Variants in UTRN observed in about 807,000 individuals in gnomAD.
UTRN encodes utrophin, also known as dystrophin-related protein 1.
Under a neutral mutation model 463.9 loss-of-function variants are expected in UTRN, and 283 were observed. That is an observed-to-expected ratio of 0.61 (90% CI 0.55 to 0.67). The LOEUF (loss-of-function observed/expected upper bound fraction) is 0.67, where lower values mean the gene tolerates loss of function less well. UTRN is among the 30% of genes least tolerant of loss of function. The pLI, the probability that UTRN is intolerant of heterozygous loss-of-function variation, is 0.00. For missense variants in UTRN, 3,922 were observed against 4,084.3 expected (o/e 0.96, Z 1.08); for synonymous variants, 1,442 against 1,431.5 (o/e 1.01, Z -0.17).
rs576105741 is a variant in UTRN, at chr6:144,380,304, T to C, written c.80-22819T>C. On this transcript the variant is annotated intron_variant, in intron 2 of 74. Coordinates refer to ENST00000367545, the MANE Select transcript of UTRN (RefSeq NM_007124.3). Reference sequence around the variant, plus strand: ...TATTTTAAATAAATATAAAATACTATGTAAGGAAGAAGCAGACAAAAATGT... The same window carrying C: ...TATTTTAAATAAATATAAAATACTACGTAAGGAAGAAGCAGACAAAAATGT... Among the ~76,000 whole-genome samples the C allele has an allele frequency of 2.8e-3, 434 of 152,314 alleles. 3 individuals are homozygous for C. Among genetic ancestry groups the C allele is most frequent in the African/African-American group, 9.9e-3 (413 of 41,578 alleles).
intron 51 of UTRN, among the ~76,000 whole-genome samples, chr6:144,669,978 T>C (rs541750613): frequency 5.0e-4 from 76 of 152,138 alleles, no homozygotes; most frequent in African/African-American, 1.8e-3. Flanking sequence ...TGTGTGTGTG[T>C]GTGTGTGTGT....
intron 53 of UTRN, among the ~76,000 whole-genome samples, chr6:144,713,924 A>G (rs1396104710): frequency 6.6e-6 from 1 of 151,480 alleles, no homozygotes; most frequent in Non-Finnish European, 1.5e-5. Context: ...CTGTCTCAAA[A>G]AAAAAAAAAA....
rs904501971 is a variant in UTRN, at chr6:144,851,040, G to T, written c.*43G>T. On this transcript the variant is annotated 3_prime_UTR_variant, in exon 75 of 75. Transcript: ENST00000367545. ...CCAATGTTTCCTGACGTACAGTGTT[G>T]CCCTTTTCAGCAAATGCCAATTCCA... is the stretch of plus-strand genomic sequence containing the variant. The T allele has an allele frequency of 1.2e-6, 2 of 1,613,228 alleles. No individual in the cohort carries two copies. Among genetic ancestry groups the T allele is most frequent in the African/African-American group, 2.7e-5 (2 of 74,974 alleles).
At chr6:144,671,386 T>A (rs752304795) in intron 51 of UTRN, among the ~76,000 whole-genome samples, 17 of 151,860 alleles carry the variant, frequency 1.1e-4, no homozygotes, top group Non-Finnish European at 2.1e-4. Context: ...AAGTATTTTA[T>A]TTTTTTTACA....
At chr6:144,725,786 T>C (rs11155373) in intron 53 of UTRN, among the ~76,000 whole-genome samples, 46,281 of 152,174 alleles carry the variant, frequency 0.3, 8,482 homozygotes, top group East Asian at 0.75. Context: ...ATAATTGAAA[T>C]AGGACAAATT....
chr6:144,615,633 T>C (rs970940120), intron 51 of UTRN, among the ~76,000 whole-genome samples: 11 of 152,202 alleles, frequency 7.2e-5, no homozygotes, highest in African/African-American at 2.7e-4. Flanking sequence ...GCTAGCACAT[T>C]GGTCTCTGCC....
rs1304883162 is a variant in UTRN, at chr6:144,440,527, TAC to T, written c.1512+58_1512+59del. The T allele has an allele frequency of 8.1e-5, 131 of 1,608,414 alleles. No individual in the cohort carries two copies. The South Asian group carries it at 1.3e-3, about 16-fold the overall frequency. On this transcript the variant is annotated intron_variant, in intron 13 of 74. Transcript: ENST00000367545. The stretch of plus-strand genomic sequence containing the variant: ...AGGGACCTGTGGTCTGAGACCCAAT[TAC>T]ATATTGCCCTTGTTCTTCATGTCCT...
intron 51 of UTRN, among the ~76,000 whole-genome samples, chr6:144,645,611 A>G (rs1196407843): frequency 6.6e-6 from 1 of 152,250 alleles, no homozygotes; most frequent in Non-Finnish European, 1.5e-5. Context: ...GAAGGGTTAG[A>G]GGAAATGCAT....
chr6:144,359,239 C>G lies in UTRN; in HGVS notation c.80-43884C>G, dbSNP rs555527244. ...TGTCCTGTGCTTTGGGGATGCTGGA[C>G]AGCATACCTGGCCGCTTTTCCCCAG... On this transcript the variant is annotated intron_variant, in intron 2 of 74. Coordinates refer to ENST00000367545, the MANE Select transcript of UTRN (RefSeq NM_007124.3). Among the ~76,000 whole-genome samples the G allele has an allele frequency of 3.3e-5, 5 of 152,332 alleles. No individual in the cohort carries two copies. In the South Asian group the frequency reaches 1.0e-3, roughly 32 times the overall value.
intron 3 of UTRN, among the ~76,000 whole-genome samples, chr6:144,404,618 G>C (rs2114800886): frequency 6.6e-6 from 1 of 152,320 alleles, no homozygotes; most frequent in Non-Finnish European, 1.5e-5. Flanking sequence ...CTTTGGGGAA[G>C]AATTGCCTTA....
chr6:144,654,902 G>T (rs534465849), intron 51 of UTRN, among the ~76,000 whole-genome samples: 3 of 152,146 alleles, frequency 2.0e-5, no homozygotes, highest in African/African-American at 7.2e-5. Flanking sequence ...TTCTCTTCCT[G>T]AACCCCTACC....
At chr6:144,488,552 T>C in intron 29 of UTRN, 121 bp from the exon 30 acceptor site, 1 of 864,124 alleles carries the variant, frequency 1.2e-6, no homozygotes, top group Non-Finnish European at 1.7e-6. Context: ...TATTTATTTA[T>C]AAAGAAAGCT....
intron 51 of UTRN, among the ~76,000 whole-genome samples, chr6:144,673,690 G>C (rs754351706): frequency 2.8e-4 from 42 of 152,100 alleles, no homozygotes; most frequent in Admixed American, 1.0e-3. Context: ...TATGCTGGTT[G>C]CTGCCTGAAT....
rs573922008 is a variant in UTRN, at chr6:144,500,349, C to T, written c.4764+922C>T. 5.3e-5 allele frequency among the ~76,000 whole-genome samples: 8 copies of T among 152,248 alleles called. No homozygotes were observed. In the South Asian group the frequency reaches 1.7e-3, roughly 32 times the overall value. On this transcript the variant is annotated intron_variant, in intron 34 of 74. Coordinates refer to ENST00000367545, the MANE Select transcript of UTRN (RefSeq NM_007124.3). ...GGTATCTCATTGTGGTTTCAATTTGCATTTCTCTAATGTTAGTGATGTTGA... is the reference window on the plus strand; with the variant it reads ...GGTATCTCATTGTGGTTTCAATTTGTATTTCTCTAATGTTAGTGATGTTGA...
At chr6:144,839,087 T>C in intron 71 of UTRN, 86 bp from the exon 72 acceptor site, 1 of 977,728 alleles carries the variant, frequency 1.0e-6, no homozygotes, top group Non-Finnish European at 1.6e-6. Context: ...TTATCCATGG[T>C]GAGGGCGGGG....
At chr6:144,634,662 C>T (rs1464503487) in intron 51 of UTRN, among the ~76,000 whole-genome samples, 3 of 152,190 alleles carry the variant, frequency 2.0e-5, no homozygotes, top group African/African-American at 7.2e-5. Flanking sequence ...CATCACCACC[C>T]TGTAGCTATT....
chr6:144,424,165 C>T, intron 6 of UTRN, 87 bp downstream of exon 6: 1 of 1,379,760 alleles, frequency 7.2e-7, no homozygotes, highest in Non-Finnish European at 1.0e-6. Context: ...AACCAAGTAC[C>T]ACAAGCTGCT....
At chr6:144,704,842 G>T (rs1235900445) in intron 53 of UTRN, among the ~76,000 whole-genome samples, 2 of 151,990 alleles carry the variant, frequency 1.3e-5, no homozygotes, top group Non-Finnish European at 2.9e-5. Context: ...TGCGCCTGTA[G>T]TCCCAGCTAT....
chr6:144,332,362 G>C (rs1776397256), intron 2 of UTRN, among the ~76,000 whole-genome samples: 1 of 152,128 alleles, frequency 6.6e-6, no homozygotes, highest in African/African-American at 2.4e-5. Flanking sequence ...GTGAATGAAT[G>C]AATGAGTGAA....
Sources: gnomAD v4.1 joint callset for allele counts (sites outside exome capture counted in the v4.1 genomes callset) on GRCh38, gnomAD v4.1.1 for gene constraint, MANE v1.5 for transcripts, NCBI Gene and HGNC (gene_info 2026-07-23, HGNC 2026-07-21) for gene names.